The following NXN variants were observed in gnomAD, a reference collection of about 807,000 sequenced individuals.
The protein encoded by NXN is nucleoredoxin 1.
In NXN, 16 loss-of-function variants were observed where a neutral mutation model predicts 48.6. That is an observed-to-expected ratio of 0.33 (90% CI 0.22 to 0.50). NXN has a LOEUF of 0.50. Ranked by LOEUF, NXN falls within the 20% of genes least tolerant of loss-of-function variation. The probability of loss-of-function intolerance (pLI) is 0.98; values close to 1 mark genes in which losing one functional copy is unlikely to be tolerated. For missense variants in NXN, 492 were observed against 605.5 expected (o/e 0.81, Z 1.97); for synonymous variants, 281 against 269.6 (o/e 1.04, Z -0.41).
At chr17:822,622 TGAG>T (rs1912878458) in intron 3 of NXN, among the ~76,000 whole-genome samples, 165 bp from the exon 4 acceptor site, 1 of 152,166 alleles carries the variant, frequency 6.6e-6, no homozygotes, top group East Asian at 1.9e-4. Context: ...CCTGGGAGGC[TGAG>T]GTCAGAAGAT....
At chr17:968,963 G>GA (rs1380724228) in intron 1 of NXN, among the ~76,000 whole-genome samples, 1 of 151,664 alleles carries the variant, frequency 6.6e-6, no homozygotes, top group Non-Finnish European at 1.5e-5. Flanking sequence ...GAAAGAAAAA[G>GA]AAAAGAAAAG....
intron 1 of NXN, among the ~76,000 whole-genome samples, chr17:909,039 C>A (rs1242116146): frequency 6.9e-6 from 1 of 145,134 alleles, no homozygotes; most frequent in African/African-American, 2.6e-5. Context: ...GCAGAGGTCG[C>A]AGTGAGTCGA....
chr17:974,838 T>C (rs909094738), intron 1 of NXN, among the ~76,000 whole-genome samples: 2 of 152,006 alleles, frequency 1.3e-5, no homozygotes, highest in African/African-American at 4.8e-5. Context: ...TATTTATTTA[T>C]TTATTTAATA....
chr17:863,971 A>T (rs1489267019), intron 1 of NXN: 1 of 1,534,772 alleles, frequency 6.5e-7, no homozygotes, highest in Non-Finnish European at 8.7e-7. Flanking sequence ...TGAGTGAGGA[A>T]ACACGTTAAC....
intron 1 of NXN, among the ~76,000 whole-genome samples, chr17:847,158 G>A (rs372748818): frequency 1.3e-5 from 2 of 152,150 alleles, no homozygotes; most frequent in South Asian, 2.1e-4. Context: ...CTGTCCCCCC[G>A]CGGAGCCACT....
chr17:973,596 C>T (rs76998449), intron 1 of NXN, among the ~76,000 whole-genome samples: 3,614 of 152,232 alleles, frequency 0.024, 137 homozygotes, highest in African/African-American at 0.081. Context: ...AGTAATATCC[C>T]GGGACTTTAA....
chr17:914,803 G>C (rs2068670236), intron 1 of NXN, among the ~76,000 whole-genome samples: 1 of 151,982 alleles, frequency 6.6e-6, no homozygotes, highest in Non-Finnish European at 1.5e-5. Flanking sequence ...CTGGATGTGG[G>C]GAACCAGGGC....
At chr17:879,435 G>A (rs937215187) in intron 1 of NXN, among the ~76,000 whole-genome samples, 7 of 151,454 alleles carry the variant, frequency 4.6e-5, no homozygotes, top group Non-Finnish European at 7.4e-5. Context: ...GATTACAGGC[G>A]CCCACCATGC....
intron 5 of NXN, among the ~76,000 whole-genome samples, chr17:809,239 C>A (rs1043400110): frequency 1.3e-5 from 2 of 152,208 alleles, no homozygotes; most frequent in Non-Finnish European, 2.9e-5. Context: ...AACACGGACT[C>A]TAAGTTCCTA....
chr17:924,188 G>A (rs1441397545), intron 1 of NXN, among the ~76,000 whole-genome samples: 2 of 152,048 alleles, frequency 1.3e-5, no homozygotes, highest in African/African-American at 4.8e-5. Flanking sequence ...GACCACAGGT[G>A]TGTATCACCA....
rs1372367588 is a variant in NXN, at chr17:919,753, C to T, written c.360+59566G>A. 6.6e-6 allele frequency among the ~76,000 whole-genome samples: 1 copy of T among 152,118 alleles called. No individual in the cohort carries two copies. Among genetic ancestry groups the T allele is most frequent in the African/African-American group, 2.4e-5 (1 of 41,418 alleles). On this transcript the variant is annotated intron_variant, in intron 1 of 7. Transcript: ENST00000336868. The surrounding 1 kb of genome is among the most constrained non-coding windows in gnomAD (Gnocchi z 5.1). The stretch of plus-strand genomic sequence containing the variant: ...ATATTGGAACGCAGTCCAGAAAATA[C>T]AACTAGGGGCAGAGCGGTCCGGCAC...
rs1214734373 is a variant in NXN at position 849,118 on chromosome 17, C to T, written c.361-23040G>A. Among the ~76,000 whole-genome samples the T allele has an allele frequency of 6.6e-6, 1 of 152,196 alleles. No individual in the cohort carries two copies. Among genetic ancestry groups the T allele is most frequent in the Non-Finnish European group, 1.5e-5 (1 of 68,022 alleles). ...CCCTCCCCTGGGACGGCAGTCCCCA[C>T]CCCACCCACACCCTTTGTTCCACGG... On this transcript the variant is annotated intron_variant, in intron 1 of 7. Coordinates refer to ENST00000336868, the MANE Select transcript of NXN (RefSeq NM_022463.5). This position sits in a 1 kb window ranked among gnomAD's most constrained non-coding sequence, Gnocchi z 4.2.
intron 1 of NXN, among the ~76,000 whole-genome samples, chr17:900,976 A>G (rs1183131963): frequency 6.8e-6 from 1 of 146,406 alleles, no homozygotes; most frequent in East Asian, 2.0e-4. Flanking sequence ...CCTAGAGTGC[A>G]ATGGCACGAT....
chr17:806,619 G>C (rs1437288132), intron 5 of NXN, among the ~76,000 whole-genome samples: 2 of 152,076 alleles, frequency 1.3e-5, no homozygotes, highest in Non-Finnish European at 2.9e-5. Flanking sequence ...GCTGCCCAGA[G>C]CCTGAATTTT....
intron 1 of NXN, among the ~76,000 whole-genome samples, chr17:871,392 G>A (rs1001619880): frequency 2.1e-5 from 3 of 142,394 alleles, no homozygotes; most frequent in East Asian, 2.1e-4. Context: ...CGCAGCATAC[G>A]CATTCACTTT....
chr17:867,793 G>GCGGGAGGCTGTAATCGCAGCTACT (rs1442391434), intron 1 of NXN, among the ~76,000 whole-genome samples: 1 of 152,060 alleles, frequency 6.6e-6, no homozygotes, highest in Non-Finnish European at 1.5e-5. Context: ...AGGTGTGGTG[G>GCGGGAGGCTGTAATCGCAGCTACT]CGGGAGGCTG....
At chr17:829,626 C>T (rs1369893439) in intron 1 of NXN, among the ~76,000 whole-genome samples, 1 of 152,074 alleles carries the variant, frequency 6.6e-6, no homozygotes, top group Non-Finnish European at 1.5e-5. Flanking sequence ...CCCCTAGGCC[C>T]CCACCTGCCA....
At chr17:832,237 G>C (rs1441849429) in intron 1 of NXN, among the ~76,000 whole-genome samples, 1 of 151,936 alleles carries the variant, frequency 6.6e-6, no homozygotes, top group Non-Finnish European at 1.5e-5. Flanking sequence ...GAGTGCAGTG[G>C]CGCGATCTCG....
intron 1 of NXN, among the ~76,000 whole-genome samples, chr17:903,904 A>AC (rs1373789123): frequency 6.6e-6 from 1 of 151,614 alleles, no homozygotes; most frequent in Non-Finnish European, 1.5e-5. Flanking sequence ...AGCCAACCTC[A>AC]CCCCCCACGG....
Sources: gnomAD v4.1 joint callset for allele counts (sites outside exome capture counted in the v4.1 genomes callset) on GRCh38, gnomAD v4.1.1 for gene constraint, Gnocchi (gnomAD v3.1) non-coding constraint, MANE v1.5 for transcripts, NCBI Gene and HGNC (gene_info 2026-07-23, HGNC 2026-07-21) for gene names.